The following GRM8 variants were observed in gnomAD, a reference collection of about 807,000 sequenced individuals.
GRM8 encodes the protein glutamate metabotropic receptor 8.
Under a neutral mutation model 87.2 loss-of-function variants are expected in GRM8, and 47 were observed. The ratio of observed to expected loss-of-function variants is 0.54; its 90% confidence interval spans 0.43 to 0.69. The LOEUF (loss-of-function observed/expected upper bound fraction) is 0.69. Ranked by LOEUF, GRM8 falls within the 30% of genes least tolerant of loss-of-function variation. The pLI, the probability that GRM8 is intolerant of heterozygous loss-of-function variation, is 0.00. For missense variants in GRM8, 1,019 were observed against 1,139.2 expected (o/e 0.89, Z 1.52); for synonymous variants, 396 against 404.5 (o/e 0.98, Z 0.25).
intron 6 of GRM8, among the ~76,000 whole-genome samples, chr7:126,878,322 A>G (rs1290999216): frequency 2.6e-5 from 4 of 152,170 alleles, no homozygotes; most frequent in Admixed American, 6.5e-5. Flanking sequence ...TCTCCATTTC[A>G]CAGAGGCTGA....
At chr7:126,686,262 C>A (rs1258513148) in intron 7 of GRM8, among the ~76,000 whole-genome samples, 1 of 152,094 alleles carries the variant, frequency 6.6e-6, no homozygotes, top group African/African-American at 2.4e-5. Context: ...CTTGCTCACG[C>A]TCCACTTGTC....
At chr7:126,662,421 A>T (rs1033559246) in intron 7 of GRM8, among the ~76,000 whole-genome samples, 1 of 152,180 alleles carries the variant, frequency 6.6e-6, no homozygotes, top group African/African-American at 2.4e-5. Flanking sequence ...AGTCCTAATA[A>T]AGGGGAGCAT....
At chr7:127,032,301 C>A (rs952930527) in intron 3 of GRM8, among the ~76,000 whole-genome samples, 4 of 152,158 alleles carry the variant, frequency 2.6e-5, no homozygotes, top group African/African-American at 9.6e-5. Context: ...TTTAGCGTTT[C>A]CTGTAACTGT....
chr7:127,177,438 A>G (rs929037246), intron 2 of GRM8, among the ~76,000 whole-genome samples: 1 of 152,226 alleles, frequency 6.6e-6, no homozygotes, highest in African/African-American at 2.4e-5. Context: ...GACAAAGGGC[A>G]TATAATCTTG....
At chr7:126,729,259 A>G (rs917181590) in intron 7 of GRM8, among the ~76,000 whole-genome samples, 1 of 152,178 alleles carries the variant, frequency 6.6e-6, no homozygotes, top group Admixed American at 6.5e-5. Context: ...TCACACTGCT[A>G]GTACCTGCAA....
intron 7 of GRM8, among the ~76,000 whole-genome samples, chr7:126,681,433 T>G (rs1807569274): frequency 6.6e-6 from 1 of 152,214 alleles, no homozygotes; most frequent in African/African-American, 2.4e-5. Flanking sequence ...GGTACTTTCC[T>G]CATGACTCCA....
At chr7:126,730,806 G>A (rs1460098815) in intron 7 of GRM8, among the ~76,000 whole-genome samples, 2 of 151,990 alleles carry the variant, frequency 1.3e-5, no homozygotes, top group South Asian at 2.1e-4. Flanking sequence ...TAAAAATTAG[G>A]GAAACAGGTA....
chr7:127,166,961 T>C (rs1793489463), intron 2 of GRM8, among the ~76,000 whole-genome samples: 1 of 152,144 alleles, frequency 6.6e-6, no homozygotes, highest in Non-Finnish European at 1.5e-5. Flanking sequence ...TTTTGCTCCT[T>C]TTGTGTTTGG....
chr7:126,602,251 G>A (rs1357422683), intron 8 of GRM8, among the ~76,000 whole-genome samples: 3 of 145,386 alleles, frequency 2.1e-5, no homozygotes, highest in Admixed American at 7.0e-5. Context: ...GTAGGTATGC[G>A]GCATTATTTC....
intron 2 of GRM8, among the ~76,000 whole-genome samples, chr7:127,203,916 T>G (rs1795760814): frequency 6.6e-6 from 1 of 152,152 alleles, no homozygotes; most frequent in South Asian, 2.1e-4. Flanking sequence ...GCCTGCATTG[T>G]AGAACTTCTT....
chr7:126,477,430 A>C (rs1168208416), intron 9 of GRM8, among the ~76,000 whole-genome samples: 1 of 152,084 alleles, frequency 6.6e-6, no homozygotes, highest in Non-Finnish European at 1.5e-5. Context: ...GAATATGTTA[A>C]TTATCTTTAT....
At chr7:126,910,946 T>C (rs1305137938) in intron 3 of GRM8, among the ~76,000 whole-genome samples, 1 of 152,164 alleles carries the variant, frequency 6.6e-6, no homozygotes, top group Non-Finnish European at 1.5e-5. Context: ...AGTTTCCTCA[T>C]CTCTGTAATG....
intron 2 of GRM8, among the ~76,000 whole-genome samples, chr7:127,216,563 C>G (rs1299575965): frequency 2.8e-5 from 4 of 142,448 alleles, no homozygotes; most frequent in African/African-American, 7.7e-5. Context: ...AAGCTGAGGA[C>G]AAGTCTAAAC....
chr7:126,512,906 A>C (rs867939702), intron 9 of GRM8: 2 of 152,062 alleles, frequency 1.3e-5, no homozygotes, highest in Middle Eastern at 3.2e-3. Context: ...ACACCAACAA[A>C]AGCCAGATTA....
intron 2 of GRM8, among the ~76,000 whole-genome samples, chr7:127,115,058 T>C (rs1826620718): frequency 6.6e-6 from 1 of 152,016 alleles, no homozygotes; most frequent in South Asian, 2.1e-4. Context: ...TGCAGTAATC[T>C]CTCTAAAAGG....
At chr7:126,468,024 C>T (rs538382469) in intron 9 of GRM8, among the ~76,000 whole-genome samples, 30 of 151,840 alleles carry the variant, frequency 2.0e-4, no homozygotes, top group Non-Finnish European at 3.4e-4. Flanking sequence ...CCTTTTATAA[C>T]GATATCATCT....
chr7:126,455,826 G>A (rs1016246995), intron 9 of GRM8, among the ~76,000 whole-genome samples: 10 of 151,688 alleles, frequency 6.6e-5, no homozygotes, highest in African/African-American at 2.2e-4. Flanking sequence ...GCAGGCAGGC[G>A]AAGGTGGATT....
chr7:127,090,122 C>A (rs558791779), intron 3 of GRM8, among the ~76,000 whole-genome samples: 35 of 152,316 alleles, frequency 2.3e-4, no homozygotes, highest in African/African-American at 8.4e-4. Flanking sequence ...CCAAGCCAAT[C>A]CCAGCTCTTG....
At chr7:126,770,560 T>C (rs1042006344) in intron 6 of GRM8, among the ~76,000 whole-genome samples, 1 of 152,054 alleles carries the variant, frequency 6.6e-6, no homozygotes, top group Non-Finnish European at 1.5e-5. Flanking sequence ...CTCCCTTAAG[T>C]GACCCTGGTT....
Sources: allele counts gnomAD v4.1 joint callset (sites outside exome capture counted in the v4.1 genomes callset), GRCh38; gene constraint gnomAD v4.1.1; transcripts MANE v1.5; gene names NCBI Gene and HGNC (gene_info 2026-07-23, HGNC 2026-07-21).